Variants in ITGA11 observed in about 807,000 individuals in gnomAD.
The protein encoded by ITGA11 is integrin alpha-11.
ITGA11 carries 97 observed loss-of-function variants against 141.9 expected under a neutral mutation model. That is an observed-to-expected ratio of 0.68 (90% CI 0.58 to 0.81). The LOEUF (loss-of-function observed/expected upper bound fraction) is 0.81. ITGA11 is among the 30% of genes least tolerant of loss of function. The pLI is 0.00. For synonymous variants in ITGA11, 658 were observed against 624.6 expected (o/e 1.05, Z -0.80); for missense variants, 1,387 against 1,559.2 (o/e 0.89, Z 1.86).
chr15:68,310,911 G>C (rs910261615), intron 26 of ITGA11, 83 bp downstream of exon 26: 2 of 1,030,698 alleles, frequency 1.9e-6, no homozygotes, highest in Non-Finnish European at 2.9e-6. Context: ...AAGCTATTGG[G>C]TCGGGAGGGA....
rs931677533 is a variant in ITGA11 at position 68,367,241 on chromosome 15, A to C, written c.265+1943T>G. 4.0e-5 allele frequency among the ~76,000 whole-genome samples: 6 copies of C among 151,526 alleles called. No individual in the cohort carries two copies. In the East Asian group the frequency reaches 1.2e-3, roughly 29 times the overall value. ...AAATGGGGTCCACATTGCAACAGAG[A>C]AAAAAAAAGATTGGTTCACGAATCC... is the stretch of plus-strand genomic sequence containing the variant. On this transcript the variant is annotated intron_variant, in intron 3 of 29. Transcript: ENST00000315757.
At chr15:68,387,109 A>G (rs1896004045) in intron 2 of ITGA11, among the ~76,000 whole-genome samples, 1 of 152,122 alleles carries the variant, frequency 6.6e-6, no homozygotes, top group African/African-American at 2.4e-5. Flanking sequence ...GGCAAAGTGA[A>G]GGAACAGGGA....
chr15:68,311,532 A>G, intron 24 of ITGA11, 129 bp from the exon 25 acceptor site: 1 of 644,376 alleles, frequency 1.6e-6, no homozygotes, highest in Non-Finnish European at 2.8e-6. Flanking sequence ...CCCACTCAAG[A>G]CCCCTGGTGT....
chr15:68,302,456 CAG>C lies in ITGA11; in HGVS notation c.*601_*602del, dbSNP rs1290245830. On this transcript the variant is annotated 3_prime_UTR_variant, in exon 30 of 30. Transcript: ENST00000315757. ...TGCCTGGCCATCAGTCTCCACATCT[CAG>C]AGTCTTTCTTCATCCCTGGCTTGCA... is the stretch of plus-strand genomic sequence containing the variant. The C allele has an allele frequency of 6.6e-6, 1 of 150,544 alleles. No homozygotes were observed. Among genetic ancestry groups the C allele is most frequent in the Non-Finnish European group, 1.5e-5 (1 of 66,940 alleles). The allele number at this position is 150,544 out of a possible 1,614,324, so 9.3% of individuals were successfully genotyped here.
chr15:68,391,693 G>A (rs1896125917), intron 2 of ITGA11, among the ~76,000 whole-genome samples: 1 of 152,188 alleles, frequency 6.6e-6, no homozygotes, highest in Non-Finnish European at 1.5e-5. Flanking sequence ...CATGGAGAAA[G>A]TAGCCTCAAA....
At position 68,302,054 on chromosome 15, in the gene ITGA11, C is replaced by CTGTG. The variant is rs1567118335; in HGVS notation, c.*1004_*1005insCACA. On this transcript the variant is annotated 3_prime_UTR_variant, in exon 30 of 30. Coordinates refer to ENST00000315757, the MANE Select transcript of ITGA11 (RefSeq NM_001004439.2). The stretch of plus-strand genomic sequence containing the variant: ...GCGGGCATGAGGGAAGGATGGGAGG[C>CTGTG]AGTGTGTGTGTGTGTGTGTGTGTGT... 5.9e-5 allele frequency: 3 copies of CTGTG among 51,230 alleles called. No homozygotes were observed. The highest frequency in any genetic ancestry group is 7.7e-5 in the Non-Finnish European group (2 of 25,970). 3.2% of individuals were successfully genotyped at this position (51,230 alleles called of 1,614,324 possible). A position where few individuals can be genotyped will look rare whatever the true frequency, so the allele number is the denominator to read the frequency against.
intron 3 of ITGA11, among the ~76,000 whole-genome samples, chr15:68,368,290 C>T (rs934463135): frequency 6.6e-6 from 1 of 152,204 alleles, no homozygotes; most frequent in South Asian, 2.1e-4. Context: ...TCCAGTCCTC[C>T]AGGGCAAAGC....
At chr15:68,402,802 G>T in intron 2 of ITGA11, 116 bp downstream of exon 2, 2 of 662,484 alleles carry the variant, frequency 3.0e-6, no homozygotes, top group Non-Finnish European at 5.4e-6. Flanking sequence ...CAAGTCACTG[G>T]AAACGTCAGT....
chr15:68,351,046 G>C (rs1894894927), intron 8 of ITGA11, among the ~76,000 whole-genome samples: 1 of 152,190 alleles, frequency 6.6e-6, no homozygotes, highest in South Asian at 2.1e-4. Context: ...CCTGGCAATG[G>C]ATGGGGGGAA....
chr15:68,412,093 C>T (rs1199760505), intron 1 of ITGA11, among the ~76,000 whole-genome samples: 7 of 152,056 alleles, frequency 4.6e-5, no homozygotes, highest in Non-Finnish European at 1.0e-4. Flanking sequence ...TTATTGTGTG[C>T]CACTGAGATT....
intron 26 of ITGA11, among the ~76,000 whole-genome samples, chr15:68,309,592 T>TTA: frequency 7.6e-6 from 1 of 131,490 alleles, no homozygotes; most frequent in Admixed American, 7.2e-5. Context: ...ATACAGTCCT[T>TTA]TTTTTTTTTT....
rs1360725633 is a variant in ITGA11, at chr15:68,303,118, T to C, written c.3508A>G (p.Arg1170Gly). 6.4e-7 allele frequency: 1 copy of C among 1,551,422 alleles called. No individual in the cohort carries two copies. Among genetic ancestry groups the C allele is most frequent in the Non-Finnish European group, 8.7e-7 (1 of 1,147,114 alleles). The change falls in exon 30 of 30, where the codon AGA (arginine) becomes GGA (glycine). Residue 1170 changes from arginine to glycine, a missense_variant. Physicochemically the swap from Arg to Gly is moderately radical, Grantham distance 125 (BLOSUM62 -2). Coordinates refer to ENST00000315757, the MANE Select transcript of ITGA11 (RefSeq NM_001004439.2). The surrounding 1 kb of genome is among the most constrained non-coding windows in gnomAD (Gnocchi z 5.3). Reference protein sequence around the residue: ...VLALWKLGFFRSARRRREPGL... With the variant: ...VLALWKLGFFGSARRRREPGL... ...GGCTCCCTCCTGCGCCTGGCACTTC[T>C]AAAGAAGCCGAGCTGTGAGGAGGCA...
chr15:68,403,080 G>A (rs1488704905), intron 1 of ITGA11, 51 bp from the exon 2 acceptor site: 5 of 1,258,812 alleles, frequency 4.0e-6, no homozygotes, highest in African/African-American at 1.5e-5. Context: ...ACAGGCAGAG[G>A]TGTAGGCCCT....
chr15:68,379,139 G>T (rs557285108), intron 2 of ITGA11, among the ~76,000 whole-genome samples: 4 of 152,100 alleles, frequency 2.6e-5, no homozygotes, highest in African/African-American at 7.2e-5. Flanking sequence ...AGTCACACGC[G>T]GCTGCTCGTC....
intron 8 of ITGA11, 109 bp downstream of exon 8, chr15:68,351,149 G>T (rs1894898352): frequency 8.3e-7 from 1 of 1,201,828 alleles, no homozygotes. Flanking sequence ...TTTTTTGAGG[G>T]CCTGGACACT....
intron 7 of ITGA11, among the ~76,000 whole-genome samples, chr15:68,351,914 C>T (rs948841061): frequency 2.0e-5 from 3 of 152,040 alleles, no homozygotes; most frequent in African/African-American, 7.2e-5. Flanking sequence ...GAAACCCTGC[C>T]TCTACTAAAA....
chr15:68,367,240 GA>G (rs974034279), intron 3 of ITGA11, among the ~76,000 whole-genome samples: 3 of 150,928 alleles, frequency 2.0e-5, no homozygotes, highest in Non-Finnish European at 4.4e-5. Context: ...TTGCAACAGA[GA>G]AAAAAAAAGA....
intron 8 of ITGA11, 100 bp from the exon 9 acceptor site, chr15:68,350,882 G>A: frequency 8.3e-7 from 1 of 1,210,202 alleles, no homozygotes; most frequent in Non-Finnish European, 1.2e-6. Context: ...GTGGGCTGGA[G>A]CCAGGGCCGG....
intron 18 of ITGA11, among the ~76,000 whole-genome samples, chr15:68,323,084 C>T (rs5016065): frequency 0.65 from 98,676 of 152,038 alleles, 35,394 homozygotes; most frequent in East Asian, 0.82. Flanking sequence ...TAACTTTTCT[C>T]GAAGGAGAGC....
Sources: gnomAD v4.1 joint callset for allele counts (sites outside exome capture counted in the v4.1 genomes callset) on GRCh38, gnomAD v4.1.1 for gene constraint, Gnocchi (gnomAD v3.1) non-coding constraint, MANE v1.5 for transcripts, NCBI Gene and HGNC (gene_info 2026-07-23, HGNC 2026-07-21) for gene names.